The following USP54 variants were observed in gnomAD, a reference collection of about 807,000 sequenced individuals.
USP54 encodes the protein ubiquitin specific peptidase 54, also known as ubiquitin carboxyl-terminal hydrolase 54.
Under a neutral mutation model 170.5 loss-of-function variants are expected in USP54, and 87 were observed. The ratio of observed to expected loss-of-function variants is 0.51; its 90% CI spans 0.43 to 0.61. USP54 has a LOEUF of 0.61. Among genes scored for constraint, USP54 ranks in the 20% least tolerant of loss-of-function variants. USP54 has a pLI of 0.00. For synonymous variants in USP54, 655 were observed against 742.8 expected (o/e 0.88, Z 1.92); for missense variants, 1,786 against 2,047.8 (o/e 0.87, Z 2.47).
intron 1 of USP54, among the ~76,000 whole-genome samples, chr10:73,601,450 T>C (rs1399920805): frequency 6.6e-6 from 1 of 152,016 alleles, no homozygotes; most frequent in East Asian, 1.9e-4. Flanking sequence ...AATGTGTATG[T>C]CACCTTCAAC....
chr10:73,520,936 T>C lies in USP54; in HGVS notation c.2454A>G (p.Ala818=). ...LHLEQKGDCA[A]ALALCNEAIS... is the part of the protein sequence containing the mutation. ...TAGCTTCATTACAGAGAGCCAAAGC[T>C]GCAGCACAGTCTCCTTTCTGTTCCA... The change falls in exon 18 of 24, where the codon GCA becomes GCG. Residue 818 remains alanine (A), a synonymous_variant. Coordinates refer to ENST00000687698, the MANE Select transcript of USP54 (RefSeq NM_001391956.1). 1 of 1,614,194 alleles carries C rather than the reference T, an allele frequency of 6.2e-7. No homozygotes were observed. The highest frequency in any genetic ancestry group is 2.2e-5 in the East Asian group (1 of 44,890).
At chr10:73,499,762 C>G (rs1460270999) in intron 23 of USP54, 2 of 152,768 alleles carry the variant, frequency 1.3e-5, no homozygotes, top group Non-Finnish European at 2.9e-5. Flanking sequence ...TTCAGTTAAG[C>G]TGCCTTTGTT....
rs760064450 is a variant in USP54 at position 73,520,975 on chromosome 10, T to C, written c.2415A>G (p.Glu805=). 6.8e-6 allele frequency: 11 copies of C among 1,614,092 alleles called. No individual in the cohort carries two copies. In the South Asian group the frequency reaches 1.1e-4, roughly 16 times the overall value. ...CTTTCTGTTCCAGATGTAGTGACTC[T>C]TCAAACACTGACTCTGCCTCTTGCA... is the stretch of plus-strand genomic sequence containing the variant. The part of the protein sequence containing the change: ...RSLQEAESVF[E]ESLHLEQKGD... Residue 805 remains glutamate, a synonymous_variant, in exon 18 of 24, where the codon GAA becomes GAG. Coordinates refer to ENST00000687698, the MANE Select transcript of USP54 (RefSeq NM_001391956.1).
rs1023733562 is a variant in USP54, at chr10:73,529,395, T to C, written c.2060+285A>G. Reference sequence around the variant, plus strand: ...AAATAATCTGTACAATGAACTCCTATGACACAAGTTTATCCTAACAAACCT... The same window carrying C: ...AAATAATCTGTACAATGAACTCCTACGACACAAGTTTATCCTAACAAACCT... On this transcript the variant is annotated intron_variant, in intron 15 of 23. Transcript: ENST00000687698. The C allele has an allele frequency of 2.3e-5, 10 of 428,160 alleles. 1 individual carries two copies. The East Asian group carries it at 5.1e-4, about 22-fold the overall frequency. The allele number at this position is 428,160 out of a possible 1,614,324, so 26.5% of individuals were successfully genotyped here.
At chr10:73,528,761 G>C (rs1383537594) in intron 15 of USP54, among the ~76,000 whole-genome samples, 1 of 152,126 alleles carries the variant, frequency 6.6e-6, no homozygotes, top group Non-Finnish European at 1.5e-5. Context: ...TGGGATTACA[G>C]GCGTGAGCCA....
At chr10:73,574,947 C>T (rs2075887237) in intron 3 of USP54, among the ~76,000 whole-genome samples, 1 of 151,572 alleles carries the variant, frequency 6.6e-6, no homozygotes, top group African/African-American at 2.4e-5. Context: ...GAAAGATAGG[C>T]CAGGCACGGT....
chr10:73,524,010 C>T (rs1268726222), intron 16 of USP54, among the ~76,000 whole-genome samples: 2 of 150,578 alleles, frequency 1.3e-5, no homozygotes, highest in Non-Finnish European at 3.0e-5. Flanking sequence ...CGGGTTCAAG[C>T]GATTCTTCTG....
intron 20 of USP54, among the ~76,000 whole-genome samples, chr10:73,510,033 G>A (rs1202294627): frequency 1.3e-5 from 2 of 151,846 alleles, no homozygotes; most frequent in African/African-American, 2.4e-5. Context: ...AAGTGGGGGA[G>A]GTATAGCTAA....
intron 1 of USP54, among the ~76,000 whole-genome samples, chr10:73,588,961 C>T (rs565795008): frequency 2.6e-5 from 4 of 152,220 alleles, no homozygotes; most frequent in Admixed American, 6.5e-5. Context: ...CAGGAAGGAG[C>T]AGTCATTTAC....
intron 1 of USP54, among the ~76,000 whole-genome samples, chr10:73,609,449 C>T (rs1415385624): frequency 6.6e-6 from 1 of 152,110 alleles, no homozygotes; most frequent in Non-Finnish European, 1.5e-5. Context: ...CTGTGGCTCT[C>T]GCCTGTAATC....
At chr10:73,534,481 T>C in intron 12 of USP54, 119 bp downstream of exon 12, 1 of 1,250,362 alleles carries the variant, frequency 8.0e-7, no homozygotes, top group Non-Finnish European at 1.1e-6. Flanking sequence ...CGCCTCGGCC[T>C]CCCAAAGTGC....
Position 73,526,725 on chromosome 10 carries a change from T to C in USP54, c.2116A>G (p.Lys706Glu). 6.2e-7 allele frequency: 1 copy of C among 1,614,124 alleles called. No homozygotes were observed. The highest frequency in any genetic ancestry group is 8.5e-7 in the Non-Finnish European group (1 of 1,180,012). ...GLVPSWRHIPKSHSSSILEVD... is the reference protein window; with the variant it reads ...GLVPSWRHIPESHSSSILEVD... ...TCCAGGATGCTACTGCTGTGCGACT[T>C]TGGGATATGACGCCAGGAAGGAACC... Residue 706 changes from lysine to glutamate, a missense_variant, in exon 16 of 24, where the codon AAG becomes GAG. Coordinates refer to ENST00000687698, the MANE Select transcript of USP54 (RefSeq NM_001391956.1).
intron 1 of USP54, 115 bp downstream of exon 1, chr10:73,591,163 C>T (rs2078203278): frequency 6.6e-6 from 1 of 152,022 alleles, no homozygotes; most frequent in African/African-American, 2.4e-5. Flanking sequence ...AAAGAAATAG[C>T]TTATTAATCA....
At chr10:73,539,402 T>G (rs942303847) in intron 10 of USP54, 42 bp downstream of exon 10, 3 of 1,475,262 alleles carry the variant, frequency 2.0e-6, no homozygotes, top group Non-Finnish European at 2.7e-6. Flanking sequence ...TCTTTTTTTT[T>G]GTAGTCACCA....
At chr10:73,508,811 G>C (rs1281635016) in intron 20 of USP54, among the ~76,000 whole-genome samples, 1 of 151,768 alleles carries the variant, frequency 6.6e-6, no homozygotes, top group Non-Finnish European at 1.5e-5. Context: ...GGGACTACAG[G>C]TGCATGCCAC....
chr10:73,564,383 T>C (rs1359232911), intron 4 of USP54, among the ~76,000 whole-genome samples: 4 of 152,214 alleles, frequency 2.6e-5, no homozygotes, highest in Non-Finnish European at 5.9e-5. Flanking sequence ...GGAGAACTAA[T>C]TGTCTAAACA....
In USP54 at chr10:73,563,004, TGCA is replaced by T. The variant is rs573910657; in HGVS notation, c.240+8414_240+8416del. ...ACCCTATCTGTCACTCATGCTGGAG[TGCA>T]GCAGCATGATCAAGGCTCACTGCAG... is the stretch of plus-strand genomic sequence containing the variant. On this transcript the variant is annotated intron_variant, in intron 4 of 23. Coordinates refer to ENST00000687698, the MANE Select transcript of USP54 (RefSeq NM_001391956.1). 2.9e-4 allele frequency among the ~76,000 whole-genome samples: 44 copies of T among 152,256 alleles called. 1 individual carries two copies. In the South Asian group the frequency reaches 8.3e-3, roughly 29 times the overall value.
chr10:73,541,270 A>G, intron 9 of USP54, 105 bp downstream of exon 9: 1 of 1,493,734 alleles, frequency 6.7e-7, no homozygotes, highest in South Asian at 1.3e-5. Flanking sequence ...AAAACATTAT[A>G]ATACTTGTCA....
chr10:73,623,640 G>A (rs1229187287), intron 1 of USP54, among the ~76,000 whole-genome samples: 1 of 152,184 alleles, frequency 6.6e-6, no homozygotes, highest in East Asian at 1.9e-4. Flanking sequence ...AACACAGTGA[G>A]ACCCTGTTGC....
Sources: allele counts gnomAD v4.1 joint callset (sites outside exome capture counted in the v4.1 genomes callset), GRCh38; gene constraint gnomAD v4.1.1; transcripts MANE v1.5; gene names NCBI Gene and HGNC (gene_info 2026-07-23, HGNC 2026-07-21).